Variants in NPAS3 observed in about 807,000 individuals in gnomAD.
The protein encoded by NPAS3 is neuronal PAS domain-containing protein 3.
NPAS3 carries 14 observed loss-of-function variants against 73.1 expected under a neutral mutation model. The observed-to-expected ratio is 0.19, with a 90% CI of 0.13 to 0.30. NPAS3 has a LOEUF of 0.30. NPAS3 is among the 10% of genes least tolerant of loss of function. NPAS3 has a pLI of 1.00. For synonymous variants in NPAS3, 620 were observed against 541.5 expected, an observed-to-expected ratio of 1.14 and a Z score of -2.01; for missense variants, 1,096 against 1,250.0, an observed-to-expected ratio of 0.88 and a Z score of 1.86.
At chr14:33,596,934 A>C (rs1189690887) in intron 5 of NPAS3, among the ~76,000 whole-genome samples, 3 of 152,188 alleles carry the variant, frequency 2.0e-5, no homozygotes, top group African/African-American at 7.2e-5. Flanking sequence ...CAGGGGCCAG[A>C]TCTAGATTTT....
intron 4 of NPAS3, among the ~76,000 whole-genome samples, chr14:33,451,422 G>A (rs1306355990): frequency 6.6e-6 from 1 of 152,172 alleles, no homozygotes; most frequent in Non-Finnish European, 1.5e-5. Context: ...AATGTTGACA[G>A]TAATAGAACT....
rs977719446 is a variant in NPAS3 at position 33,127,661 on chromosome 14, A to G, written c.140+71667A>G. Among the ~76,000 whole-genome samples the G allele has an allele frequency of 3.9e-5, 6 of 152,270 alleles. No individual in the cohort carries two copies. In the South Asian group the frequency reaches 1.2e-3, roughly 32 times the overall value. On this transcript the variant is annotated intron_variant, in intron 2 of 11. Transcript: ENST00000356141. ...TAGAAAGCTGGCAGGTACTGAGCAC[A>G]AAAGCAAACATTGAGAAGTTAGAAA...
Position 33,028,958 on chromosome 14 carries a change from A to G in NPAS3, c.51-26947A>G, listed in dbSNP as rs547627652. Among the ~76,000 whole-genome samples the G allele has an allele frequency of 1.9e-3, 282 of 152,066 alleles. 1 individual carries two copies. Among genetic ancestry groups the G allele is most frequent in the African/African-American group, 6.3e-3 (263 of 41,462 alleles). ...GTGTTAAGCCCAGTGTGCATTAGCTATTTTTCCTGATGCTCTCCTTCCCCC... is the reference window on the plus strand; with the variant it reads ...GTGTTAAGCCCAGTGTGCATTAGCTGTTTTTCCTGATGCTCTCCTTCCCCC... On this transcript the variant is annotated intron_variant, in intron 1 of 11. Coordinates refer to ENST00000356141, the Ensembl canonical transcript of NPAS3.
At chr14:33,125,036 C>T (rs563317393) in intron 2 of NPAS3, among the ~76,000 whole-genome samples, 2 of 152,110 alleles carry the variant, frequency 1.3e-5, no homozygotes, top group African/African-American at 4.8e-5. Context: ...GAAGAAAGTA[C>T]TTAAAGGATG....
At chr14:33,436,438 C>G in intron 4 of NPAS3, among the ~76,000 whole-genome samples, 1 of 152,198 alleles carries the variant, frequency 6.6e-6, no homozygotes, top group Non-Finnish European at 1.5e-5. Flanking sequence ...CTGCTTATTT[C>G]AATGACTGTG....
chr14:33,205,892 AATCAC>A (rs1192279073), intron 2 of NPAS3, among the ~76,000 whole-genome samples: 1 of 152,182 alleles, frequency 6.6e-6, no homozygotes, highest in Non-Finnish European at 1.5e-5. Flanking sequence ...AAGTGTTTGA[AATCAC>A]ACTTAAGGAA....
intron 5 of NPAS3, among the ~76,000 whole-genome samples, chr14:33,588,770 T>A (rs2056958056): frequency 1.3e-5 from 2 of 152,192 alleles, no homozygotes; most frequent in South Asian, 4.2e-4. Flanking sequence ...CCTACCACCA[T>A]GCACAGATAA....
At chr14:33,124,315 C>T (rs17091697) in intron 2 of NPAS3, among the ~76,000 whole-genome samples, 1,930 of 152,166 alleles carry the variant, frequency 0.013, 36 homozygotes, top group African/African-American at 0.044. Context: ...TTTTCCTCTG[C>T]ATTGTAGAGG....
rs189273727 is a variant in NPAS3 at position 33,447,002 on chromosome 14, G to A, written c.468+79734G>A. ...ATATTTACCAAATAGCAATATGCACGAGATGCTATTCTGAATGGTGGGATA... is the reference window on the plus strand; with the variant it reads ...ATATTTACCAAATAGCAATATGCACAAGATGCTATTCTGAATGGTGGGATA... On this transcript the variant is annotated intron_variant, in intron 4 of 11. Coordinates refer to ENST00000356141, the Ensembl canonical transcript of NPAS3. Among the ~76,000 whole-genome samples the A allele has an allele frequency of 1.8e-3, 273 of 152,284 alleles. 1 individual carries two copies. Among genetic ancestry groups the A allele is most frequent in the African/African-American group, 5.4e-3 (226 of 41,556 alleles).
chr14:33,424,724 G>T (rs2048487058), intron 4 of NPAS3, among the ~76,000 whole-genome samples: 1 of 151,610 alleles, frequency 6.6e-6, no homozygotes, highest in Non-Finnish European at 1.5e-5. Context: ...GGGAGGAGGG[G>T]GAAGTGTTAG....
At position 33,360,870 on chromosome 14, in the gene NPAS3, C is replaced by T. The variant is rs76097461; in HGVS notation, c.386-6316C>T. Among the ~76,000 whole-genome samples, 1,191 of 152,240 alleles carry T rather than the reference C, an allele frequency of 7.8e-3. 61 individuals are homozygous for T. The East Asian group carries it at 0.14, about 17-fold the overall frequency. ...ACGCCTCGGCCCAGGCTGTGGATCA[C>T]GCCTGCATTTTCCTGAGGTTCTGTC... On this transcript the variant is annotated intron_variant, in intron 3 of 11. Transcript: ENST00000356141.
intron 2 of NPAS3, among the ~76,000 whole-genome samples, chr14:33,107,059 A>C (rs1958347379): frequency 6.6e-6 from 1 of 152,010 alleles, no homozygotes; most frequent in Non-Finnish European, 1.5e-5. Flanking sequence ...ACTCAGAATA[A>C]AGGCTGCTGG....
chr14:33,144,705 C>A (rs918789867), intron 2 of NPAS3, among the ~76,000 whole-genome samples: 57 of 152,118 alleles, frequency 3.7e-4, no homozygotes, highest in African/African-American at 1.4e-3. Context: ...AAACACCCAG[C>A]TAATTTACCC....
At chr14:32,938,516 AGAGAGAGAAG>A (rs1566779482), upstream of NPAS3, among the ~76,000 whole-genome samples, 5 of 121,618 alleles carry the variant, frequency 4.1e-5, no homozygotes, top group Non-Finnish European at 8.9e-5. Context: ...AGAGAGAGAG[AGAGAGAGAAG>A]GGGGGGGAGG....
intron 2 of NPAS3, among the ~76,000 whole-genome samples, chr14:33,162,733 C>A (rs915723409): frequency 3.9e-5 from 6 of 151,912 alleles, no homozygotes; most frequent in Non-Finnish European, 5.9e-5. Context: ...AGCTGCTTGA[C>A]AGAACCTCCT....
chr14:33,552,904 A>G (rs923346991), intron 4 of NPAS3, among the ~76,000 whole-genome samples: 2 of 152,188 alleles, frequency 1.3e-5, no homozygotes, highest in African/African-American at 4.8e-5. Flanking sequence ...TCGGAAGTCT[A>G]CCGTTCAGTA....
intron 4 of NPAS3, among the ~76,000 whole-genome samples, chr14:33,477,216 G>T (rs1264372062): frequency 6.6e-6 from 1 of 152,046 alleles, no homozygotes; most frequent in East Asian, 1.9e-4. Flanking sequence ...ATGGGGGTAG[G>T]GGTGGAAAGA....
At chr14:33,211,558 AAT>A (rs1326230326) in intron 2 of NPAS3, among the ~76,000 whole-genome samples, 3 of 152,190 alleles carry the variant, frequency 2.0e-5, no homozygotes, top group African/African-American at 7.2e-5. Flanking sequence ...CATCTCAAAA[AAT>A]CCCAAAATGA....
rs75674089 is a variant in NPAS3 at position 33,050,736 on chromosome 14, G to T, written c.51-5169G>T. ...AAGATCACAGTGCAAAACACATTTCGAATGAAATCTCTTGTTCCCTGTTTT... is the reference window on the plus strand; with the variant it reads ...AAGATCACAGTGCAAAACACATTTCTAATGAAATCTCTTGTTCCCTGTTTT... On this transcript the variant is annotated intron_variant, in intron 1 of 11. Transcript: ENST00000356141. Among the ~76,000 whole-genome samples, 28 of 152,254 alleles carry T rather than the reference G, an allele frequency of 1.8e-4. No homozygotes were observed. The East Asian group carries it at 3.3e-3, about 18-fold the overall frequency.
Sources: gnomAD v4.1 joint callset for allele counts (sites outside exome capture counted in the v4.1 genomes callset) on GRCh38, gnomAD v4.1.1 for gene constraint, MANE v1.5 for transcripts, NCBI Gene and HGNC (gene_info 2026-07-23, HGNC 2026-07-21) for gene names.